The following PRKCZ variants were observed in gnomAD, a reference collection of about 807,000 sequenced individuals.
PRKCZ encodes protein kinase C zeta type.
PRKCZ carries 33 observed loss-of-function variants against 79.5 expected under a neutral mutation model. The observed-to-expected ratio is 0.41, with a 90% CI of 0.31 to 0.55. The LOEUF is 0.55. PRKCZ is among the 20% of genes least tolerant of loss of function. The pLI is 0.19. For synonymous variants in PRKCZ, 342 were observed against 320.9 expected (o/e 1.07, Z -0.70); for missense variants, 578 against 813.5 (o/e 0.71, Z 3.52).
At chr1:2,072,919 T>C (rs531055919) in intron 4 of PRKCZ, among the ~76,000 whole-genome samples, 1 of 152,042 alleles carries the variant, frequency 6.6e-6, no homozygotes, top group Admixed American at 6.5e-5. Context: ...TTTGGGGAAG[T>C]GGGCAGAATT....
chr1:2,058,327 T>G, intron 3 of PRKCZ, among the ~76,000 whole-genome samples: 1 of 151,196 alleles, frequency 6.6e-6, no homozygotes, highest in Non-Finnish European at 1.5e-5. Context: ...TTTTTTTTTT[T>G]TTGATATTCA....
chr1:2,135,271 A>G lies in PRKCZ; in HGVS notation c.344A>G (p.Tyr115Cys), dbSNP rs765678009. 1.2e-6 allele frequency: 2 copies of G among 1,612,302 alleles called. No homozygotes were observed. Among genetic ancestry groups the G allele is most frequent in the Non-Finnish European group, 1.7e-6 (2 of 1,179,142 alleles). Residue 115 changes from tyrosine (Y) to cysteine (C), a missense_variant, in exon 5 of 18, where the codon TAC becomes TGC. Coordinates refer to ENST00000378567, the MANE Select transcript of PRKCZ (RefSeq NM_002744.6). The part of the protein sequence containing the change: ...LPCPGEDKSI[Y>C]RRGARRWRKL... Reference sequence around the variant, plus strand: ...CTCATATCCTTTCCAGAATCTATCTACCGCCGGGGAGCCAGAAGATGGAGG... The same window carrying G: ...CTCATATCCTTTCCAGAATCTATCTGCCGCCGGGGAGCCAGAAGATGGAGG...
At position 2,052,666 on chromosome 1, in the gene PRKCZ, C is replaced by T. The variant is rs550845620; in HGVS notation, c.71+1965C>T. 7.9e-5 allele frequency among the ~76,000 whole-genome samples: 12 copies of T among 152,218 alleles called. No homozygotes were observed. The South Asian group carries it at 1.0e-3, about 13-fold the overall frequency. On this transcript the variant is annotated intron_variant, in intron 1 of 17. Transcript: ENST00000378567. The stretch of plus-strand genomic sequence containing the variant: ...CTGGCTCCTCGTCCCTCTGGGCACC[C>T]GGTGCCTCTCTGAGGGGACTGGCTG...
chr1:2,175,136 T>C, intron 15 of PRKCZ, 88 bp from the exon 16 acceptor site: 1 of 1,155,368 alleles, frequency 8.7e-7, no homozygotes, highest in East Asian at 2.4e-5. Flanking sequence ...GGAGGGCTTG[T>C]CAGCACTGGG....
chr1:2,086,056 T>C (rs934952079), intron 4 of PRKCZ, among the ~76,000 whole-genome samples: 3 of 48,364 alleles, frequency 6.2e-5, no homozygotes, highest in African/African-American at 1.3e-3. Context: ...ATTATCATCC[T>C]TTTTTTTTTT....
intron 4 of PRKCZ, among the ~76,000 whole-genome samples, chr1:2,066,123 A>G (rs1258193281): frequency 6.6e-6 from 1 of 152,176 alleles, no homozygotes; most frequent in Non-Finnish European, 1.5e-5. Flanking sequence ...AATAAAGGAT[A>G]ATTATGTCCA....
intron 3 of PRKCZ, among the ~76,000 whole-genome samples, chr1:2,057,245 A>T (rs1660252588): frequency 6.6e-6 from 1 of 152,172 alleles, no homozygotes; most frequent in South Asian, 2.1e-4. Flanking sequence ...GAGCTGACGC[A>T]TGGGAGATGT....
At chr1:2,114,047 C>T (rs1209002236) in intron 4 of PRKCZ, among the ~76,000 whole-genome samples, 7 of 152,028 alleles carry the variant, frequency 4.6e-5, no homozygotes, top group Non-Finnish European at 7.4e-5. Flanking sequence ...GTGCGTGTGG[C>T]GCGTGGGTGA....
intron 16 of PRKCZ, among the ~76,000 whole-genome samples, chr1:2,175,712 C>G (rs1171744247): frequency 6.6e-6 from 1 of 152,030 alleles, no homozygotes; most frequent in Non-Finnish European, 1.5e-5. Flanking sequence ...CCAGAAGGGT[C>G]AGCTGGGAAT....
intron 10 of PRKCZ, among the ~76,000 whole-genome samples, chr1:2,166,055 G>A (rs1275286694): frequency 6.6e-6 from 1 of 152,212 alleles, no homozygotes. Context: ...GTTCCTGAGA[G>A]CTGCACTTTG....
rs564900644 is a variant in PRKCZ, at chr1:2,055,491, G to T, written c.122G>T (p.Cys41Phe). The T allele has an allele frequency of 1.2e-6, 2 of 1,613,982 alleles. No individual in the cohort carries two copies. Among genetic ancestry groups the T allele is most frequent in the Admixed American group, 3.3e-5 (2 of 59,998 alleles). Residue 41 changes from cysteine (C) to phenylalanine (F), a missense_variant, in exon 2 of 18, where the codon TGT becomes TTT. This residue lies in a region of PRKCZ where 228 missense variants were observed against 211.6 expected (regional missense o/e 1.08). Transcript: ENST00000378567. ...VDAATTFEEL[C>F]EEVRDMCRLH... Reference sequence around the variant, plus strand: ...GCCGCCACGACCTTCGAGGAGCTCTGTGAGGAAGTGAGAGACATGTGTCGT... The same window carrying T: ...GCCGCCACGACCTTCGAGGAGCTCTTTGAGGAAGTGAGAGACATGTGTCGT...
chr1:2,104,672 GGGA>G (rs1420606680), intron 4 of PRKCZ: 12 of 985,640 alleles, frequency 1.2e-5, no homozygotes, highest in Non-Finnish European at 1.4e-5. Context: ...GGTGGGGACT[GGGA>G]GGAGAGAGGG....
At chr1:2,079,821 G>A (rs1219551135) in intron 4 of PRKCZ, among the ~76,000 whole-genome samples, 2 of 152,136 alleles carry the variant, frequency 1.3e-5, no homozygotes, top group African/African-American at 4.8e-5. Context: ...GCATTTGTCT[G>A]CCCACATTGA....
chr1:2,184,893 C>T (rs548638364), intron 17 of PRKCZ, 29 bp from the exon 18 acceptor site: 1 of 1,592,038 alleles, frequency 6.3e-7, no homozygotes, highest in South Asian at 1.1e-5. Context: ...CACGGTCACC[C>T]CCCTCCCCCC....
At position 2,172,709 on chromosome 1, in the gene PRKCZ, T is replaced by C. The variant is rs929665064; in HGVS notation, c.1285+321T>C. Reference sequence around the variant, plus strand: ...CACCTGAGTCCCCGTGCTGCACGAGTGGCTGGGGGAGAAGCTGTTGTCTGG... The same window carrying C: ...CACCTGAGTCCCCGTGCTGCACGAGCGGCTGGGGGAGAAGCTGTTGTCTGG... On this transcript the variant is annotated intron_variant, in intron 13 of 17. Coordinates refer to ENST00000378567, the MANE Select transcript of PRKCZ (RefSeq NM_002744.6). This position sits in a 1 kb window ranked among gnomAD's most constrained non-coding sequence, Gnocchi z 7.8. Among the ~76,000 whole-genome samples, 7 of 151,584 alleles carry C rather than the reference T, an allele frequency of 4.6e-5. 1 individual carries two copies. The highest frequency in any genetic ancestry group is 1.7e-4 in the African/African-American group (7 of 41,244).
In PRKCZ at chr1:2,050,605, G is replaced by T; in HGVS notation, c.-26G>T. 1 of 1,215,130 alleles carries T rather than the reference G, an allele frequency of 8.2e-7. No homozygotes were observed. The highest frequency in any genetic ancestry group is 1.0e-6 in the Non-Finnish European group (1 of 975,528). 75.3% of individuals were successfully genotyped at this position (1,215,130 alleles called of 1,614,324 possible). A position where few individuals can be genotyped will look rare whatever the true frequency, so the allele number is the denominator to read the frequency against. On this transcript the variant is annotated 5_prime_UTR_variant, in exon 1 of 18. Coordinates refer to ENST00000378567, the MANE Select transcript of PRKCZ (RefSeq NM_002744.6). ...ATGGCCGGAGCTCCCGGGGCGCAGCGCTGACGGCGGCGGGGGGAGCGCGCC... is the reference window on the plus strand; with the variant it reads ...ATGGCCGGAGCTCCCGGGGCGCAGCTCTGACGGCGGCGGGGGGAGCGCGCC...
In PRKCZ at chr1:2,075,368, G is replaced by A. The variant is rs1332737323; in HGVS notation, c.334+15777G>A. ...AGCGGTTACTGGCTTTTGGTCTGAT[G>A]GCCCTCGGTGGGTGAGTCAGAGCTG... is the stretch of plus-strand genomic sequence containing the variant. On this transcript the variant is annotated intron_variant, in intron 4 of 17. Coordinates refer to ENST00000378567, the MANE Select transcript of PRKCZ (RefSeq NM_002744.6). The surrounding 1 kb of genome is among the most constrained non-coding windows in gnomAD (Gnocchi z 4.8). 6.6e-6 allele frequency: 1 copy of A among 152,330 alleles called. No individual in the cohort carries two copies. Among genetic ancestry groups the A allele is most frequent in the Non-Finnish European group, 1.5e-5 (1 of 68,148 alleles). 9.4% of individuals were successfully genotyped at this position (152,330 alleles called of 1,614,324 possible). A position where few individuals can be genotyped will look rare whatever the true frequency, so the allele number is the denominator to read the frequency against.
chr1:2,052,961 C>T (rs1659822511), intron 1 of PRKCZ, among the ~76,000 whole-genome samples: 2 of 152,296 alleles, frequency 1.3e-5, no homozygotes, highest in Middle Eastern at 3.4e-3. Flanking sequence ...CCTCGCCACC[C>T]CACCCCGCCC....
intron 4 of PRKCZ, among the ~76,000 whole-genome samples, chr1:2,081,667 T>G (rs951128319): frequency 7.2e-5 from 11 of 152,194 alleles, no homozygotes; most frequent in African/African-American, 2.2e-4. Context: ...GGGCTGCGGT[T>G]GGGGGACTGA....
Sources: gnomAD v4.1 joint callset for allele counts (sites outside exome capture counted in the v4.1 genomes callset) on GRCh38, gnomAD v4.1.1 for gene constraint, gnomAD v4.1.1 regional missense constraint, Gnocchi (gnomAD v3.1) non-coding constraint, MANE v1.5 for transcripts, NCBI Gene and HGNC (gene_info 2026-07-23, HGNC 2026-07-21) for gene names.